Variants in CASD1 observed in about 807,000 individuals in gnomAD.
The protein encoded by CASD1 is N-acetylneuraminate (7)9-O-acetyltransferase.
CASD1 carries 41 observed loss-of-function variants against 100.0 expected under a neutral mutation model. That is an observed-to-expected ratio of 0.41 (90% CI 0.32 to 0.53). CASD1 has a LOEUF of 0.53. Among genes scored for constraint, CASD1 ranks in the 20% least tolerant of loss-of-function variants. The probability of loss-of-function intolerance (pLI) is 0.25; values close to 1 mark genes in which losing one functional copy is unlikely to be tolerated. For synonymous variants in CASD1, 321 were observed against 315.6 expected, an observed-to-expected ratio of 1.02 and a Z score of -0.18; for missense variants, 774 against 948.7, an observed-to-expected ratio of 0.82 and a Z score of 2.42.
intron 3 of CASD1, among the ~76,000 whole-genome samples, chr7:94,525,866 G>C (rs2116257612): frequency 6.6e-6 from 1 of 152,312 alleles, no homozygotes; most frequent in East Asian, 1.9e-4. Flanking sequence ...CTATTTGTCT[G>C]TTTGAATTAA....
the CASD1 span, among the ~76,000 whole-genome samples, chr7:94,610,853 A>G: frequency 6.6e-6 from 1 of 152,232 alleles, no homozygotes; most frequent in Non-Finnish European, 1.5e-5. Context: ...GAATAGACCT[A>G]TTTCCAAATA....
intron 9 of CASD1, among the ~76,000 whole-genome samples, chr7:94,538,525 G>C (rs10236013): frequency 0.018 from 2,780 of 152,160 alleles, 85 homozygotes; most frequent in African/African-American, 0.063. Flanking sequence ...GAATATACTG[G>C]GGAAAGTAAA....
chr7:94,510,209 G>T lies in CASD1; in HGVS notation c.125G>T (p.Arg42Leu), dbSNP rs769776224. The change falls in exon 1 of 18, where the codon CGC becomes CTC. Residue 42 changes from arginine (R) to leucine (L), a missense_variant. By Grantham distance (102) the Arg-to-Leu change is moderately radical. Around this residue, in one of 5 missense-constraint regions of CASD1, gnomAD observed 75 missense variants for 60.9 expected, o/e 1.23. Coordinates refer to ENST00000297273, the MANE Select transcript of CASD1 (RefSeq NM_022900.5). ...GCAGCGTGCCACCTCGCCTCCCGCC[G>T]CTACCGAGGTGAGCGGGCCCTCCCC... ...LLAACHLASR[R>L]YRGNDSCEYL... 1.3e-6 allele frequency: 2 copies of T among 1,505,084 alleles called. No individual in the cohort carries two copies. Among genetic ancestry groups the T allele is most frequent in the Non-Finnish European group, 1.8e-6 (2 of 1,123,922 alleles). 93.2% of individuals were successfully genotyped at this position (1,505,084 alleles called of 1,614,324 possible).
chr7:94,529,073 T>C (rs958669005), intron 5 of CASD1, among the ~76,000 whole-genome samples: 26 of 152,130 alleles, frequency 1.7e-4, no homozygotes, highest in Non-Finnish European at 8.8e-5. Context: ...AGCAAATGTT[T>C]TCAAAAAACA....
intron 14 of CASD1, among the ~76,000 whole-genome samples, chr7:94,550,910 C>T (rs948065037): frequency 6.6e-6 from 1 of 152,056 alleles, no homozygotes; most frequent in African/African-American, 2.4e-5. Flanking sequence ...CTTTTATGAG[C>T]GTACACTTCT....
the CASD1 span, among the ~76,000 whole-genome samples, chr7:94,605,820 ATATTT>A: frequency 3.9e-5 from 6 of 152,050 alleles, no homozygotes; most frequent in African/African-American, 1.2e-4. Context: ...TAGTAGATTT[ATATTT>A]TATTTTATTT....
chr7:94,550,523 A>G (rs1365233114), intron 14 of CASD1, among the ~76,000 whole-genome samples: 5 of 152,134 alleles, frequency 3.3e-5, no homozygotes, highest in Admixed American at 3.3e-4. Flanking sequence ...TGGGTGGTTT[A>G]TAAACAACAA....
At position 94,509,868 on chromosome 7, in the gene CASD1, G is replaced by C. The variant is rs978740486; in HGVS notation, c.-217G>C. ...CGGCGGAGCAGCGGCGGCGGGGCTG[G>C]GGGGAGGCCGCCGAGTCGGCCGCGG... is the stretch of plus-strand genomic sequence containing the variant. On this transcript the variant is annotated 5_prime_UTR_variant, in exon 1 of 18. Coordinates refer to ENST00000297273, the MANE Select transcript of CASD1 (RefSeq NM_022900.5). The C allele has an allele frequency of 1.9e-6, 2 of 1,026,818 alleles. No homozygotes were observed. The highest frequency in any genetic ancestry group is 1.7e-5 in the African/African-American group (1 of 58,302). The allele number at this position is 1,026,818 out of a possible 1,614,324, so 63.6% of individuals were successfully genotyped here. A position where few individuals can be genotyped will look rare whatever the true frequency, so the allele number is the denominator to read the frequency against.
the CASD1 span, among the ~76,000 whole-genome samples, chr7:94,569,525 G>T: frequency 1.4e-4 from 21 of 152,180 alleles, no homozygotes; most frequent in African/African-American, 4.1e-4. Flanking sequence ...TGCAGTTTTG[G>T]CTCACTGCAG....
the CASD1 span, among the ~76,000 whole-genome samples, chr7:94,582,437 T>G: frequency 2.0e-5 from 3 of 152,172 alleles, no homozygotes; most frequent in Admixed American, 6.6e-5. Context: ...TTTTTTCATA[T>G]GTTTTTTGGC....
At chr7:94,597,465 A>G in the CASD1 span, 12 of 152,308 alleles carry the variant, frequency 7.9e-5, no homozygotes, top group Admixed American at 7.2e-4. Context: ...TAAGCACTCA[A>G]TGGGAAAAAT....
At position 94,517,545 on chromosome 7, in the gene CASD1, G is replaced by C. The variant is rs1562932000; in HGVS notation, c.134-15G>C. On this transcript the variant is annotated splice_polypyrimidine_tract_variant and intron_variant, in intron 1 of 17. Coordinates refer to ENST00000297273, the MANE Select transcript of CASD1 (RefSeq NM_022900.5). ...TAACTATTGTTTACAACACTGTTGT[G>C]TTTAACTGTTTTAGGCAATGATTCG... 1.3e-6 allele frequency: 2 copies of C among 1,550,680 alleles called. No homozygotes were observed. The highest frequency in any genetic ancestry group is 1.8e-6 in the Non-Finnish European group (2 of 1,128,908).
At chr7:94,526,084 C>G (rs918755667) in intron 3 of CASD1, among the ~76,000 whole-genome samples, 2 of 152,158 alleles carry the variant, frequency 1.3e-5, no homozygotes, top group Admixed American at 1.3e-4. Flanking sequence ...CTATAGCAAC[C>G]TAGAGTCATG....
chr7:94,548,131 T>G (rs1158021397), intron 13 of CASD1, among the ~76,000 whole-genome samples: 1 of 151,748 alleles, frequency 6.6e-6, no homozygotes, highest in East Asian at 1.9e-4. Flanking sequence ...TTCCCAACAC[T>G]CTGTGGATAC....
intron 1 of CASD1, among the ~76,000 whole-genome samples, chr7:94,516,006 G>A (rs2157974): frequency 0.89 from 135,180 of 152,094 alleles, 60,412 homozygotes; most frequent in East Asian, 1. Context: ...GTGTGTTTCT[G>A]GAGTTCTTTT....
At chr7:94,611,016 A>G in the CASD1 span, among the ~76,000 whole-genome samples, 1 of 152,220 alleles carries the variant, frequency 6.6e-6, no homozygotes, top group South Asian at 2.1e-4. Flanking sequence ...TGGTGAAGAT[A>G]TGGAAAAGTT....
intron 3 of CASD1, among the ~76,000 whole-genome samples, chr7:94,520,828 G>A (rs1003549638): frequency 2.0e-5 from 3 of 151,826 alleles, no homozygotes; most frequent in Non-Finnish European, 4.4e-5. Flanking sequence ...GTGGTGGCTC[G>A]TGCCTGTAAT....
intron 1 of CASD1, among the ~76,000 whole-genome samples, chr7:94,516,643 C>T (rs1321540184): frequency 6.6e-6 from 1 of 151,682 alleles, no homozygotes; most frequent in Non-Finnish European, 1.5e-5. Context: ...CCCCAACCCA[C>T]CCCATTCCTT....
At chr7:94,633,586 G>A in the CASD1 span, among the ~76,000 whole-genome samples, 43 of 152,056 alleles carry the variant, frequency 2.8e-4, no homozygotes, top group Non-Finnish European at 4.9e-4. Context: ...TGACAGCATA[G>A]AGCCCAGAAT....
Sources: allele counts gnomAD v4.1 joint callset (sites outside exome capture counted in the v4.1 genomes callset), GRCh38; gene constraint gnomAD v4.1.1; regional missense constraint gnomAD v4.1.1; transcripts MANE v1.5; gene names NCBI Gene and HGNC (gene_info 2026-07-23, HGNC 2026-07-21).